RPH3A: variants seen among roughly 807,000 people sequenced by gnomAD.
The protein encoded by RPH3A is rabphilin-3A.
In RPH3A, 48 loss-of-function variants were observed where a neutral mutation model predicts 102.2. The observed-to-expected ratio is 0.47, with a 90% CI of 0.37 to 0.60. The LOEUF (loss-of-function observed/expected upper bound fraction) is 0.60. Ranked by LOEUF, RPH3A falls within the 20% of genes least tolerant of loss-of-function variation. The pLI is 0.00. For synonymous variants in RPH3A, 310 were observed against 324.3 expected, an observed-to-expected ratio of 0.96 and a Z score of 0.47; for missense variants, 781 against 910.1, an observed-to-expected ratio of 0.86 and a Z score of 1.83.
At chr12:112,816,595 C>A (rs2041675339) in intron 2 of RPH3A, among the ~76,000 whole-genome samples, 1 of 152,156 alleles carries the variant, frequency 6.6e-6, no homozygotes, top group African/African-American at 2.4e-5. Context: ...GTGGCCACTC[C>A]CAGCTTCCCC....
intron 1 of RPH3A, among the ~76,000 whole-genome samples, chr12:112,616,250 G>A (rs1362691932): frequency 6.6e-6 from 1 of 152,134 alleles, no homozygotes; most frequent in Non-Finnish European, 1.5e-5. Flanking sequence ...GGGTTCAAGC[G>A]ATTCTCCTGC....
At chr12:112,745,641 A>G (rs1456660003) in intron 1 of RPH3A, among the ~76,000 whole-genome samples, 5 of 152,202 alleles carry the variant, frequency 3.3e-5, no homozygotes, top group Admixed American at 6.5e-5. Flanking sequence ...GTGTGAATTC[A>G]GCTCATCTTA....
chr12:112,661,724 T>C (rs986465582), intron 1 of RPH3A, among the ~76,000 whole-genome samples: 1 of 151,674 alleles, frequency 6.6e-6, no homozygotes, highest in African/African-American at 2.4e-5. Context: ...TCCTGTTCAG[T>C]CTTCAGAATA....
intron 2 of RPH3A, among the ~76,000 whole-genome samples, chr12:112,797,438 G>T (rs1273072003): frequency 6.6e-6 from 1 of 152,108 alleles, no homozygotes; most frequent in African/African-American, 2.4e-5. Flanking sequence ...CTGTTGGGGG[G>T]TAAAAAGCTC....
intron 1 of RPH3A, among the ~76,000 whole-genome samples, chr12:112,743,688 T>TC (rs1013089627): frequency 6.6e-6 from 1 of 151,788 alleles, no homozygotes; most frequent in Admixed American, 6.6e-5. Context: ...GGTTTTTTTT[T>TC]CCCCCCAAGG....
chr12:112,694,634 G>GCA (rs1479590724), intron 1 of RPH3A, among the ~76,000 whole-genome samples: 1 of 108,794 alleles, frequency 9.2e-6, no homozygotes, highest in African/African-American at 4.3e-5. Flanking sequence ...ACACACGCAC[G>GCA]CGCGCGCGCG....
intron 1 of RPH3A, among the ~76,000 whole-genome samples, chr12:112,641,188 G>A (rs1050032866): frequency 6.6e-6 from 1 of 152,184 alleles, no homozygotes; most frequent in African/African-American, 2.4e-5. Flanking sequence ...TTTAACTTCT[G>A]CTGCTTGCAG....
chr12:112,766,704 A>G lies in RPH3A; in HGVS notation c.-139-25439A>G, dbSNP rs371756785. Among the ~76,000 whole-genome samples the G allele has an allele frequency of 7.9e-5, 12 of 152,292 alleles. No individual in the cohort carries two copies. The South Asian group carries it at 1.9e-3, about 24-fold the overall frequency. On this transcript the variant is annotated intron_variant, in intron 1 of 21. Coordinates refer to the RPH3A transcript ENST00000543106. Reference sequence around the variant, plus strand: ...TCAGTCATGGTTTAAGGGAACTCCCAGACATGTTAGGCTCTCTGTGTCATC... The same window carrying G: ...TCAGTCATGGTTTAAGGGAACTCCCGGACATGTTAGGCTCTCTGTGTCATC...
At chr12:112,848,361 C>T (rs1037337376) in intron 5 of RPH3A, among the ~76,000 whole-genome samples, 13 of 152,086 alleles carry the variant, frequency 8.5e-5, no homozygotes, top group Middle Eastern at 3.2e-3. Context: ...TTAAGACAAT[C>T]GGAGAAACCA....
At chr12:112,876,991 A>C in intron 13 of RPH3A, 125 bp downstream of exon 13, 1 of 559,870 alleles carries the variant, frequency 1.8e-6, no homozygotes, top group Non-Finnish European at 3.0e-6. Context: ...GACCTAATAA[A>C]CATATTAACC....
At chr12:112,610,979 T>C (rs1315578864) in intron 1 of RPH3A, among the ~76,000 whole-genome samples, 1 of 152,318 alleles carries the variant, frequency 6.6e-6, no homozygotes, top group East Asian at 1.9e-4. Flanking sequence ...TTACAGTTAT[T>C]TCTCCCCATT....
rs542578721 is a variant in RPH3A at position 112,664,159 on chromosome 12, AG to A, written c.-140+88844del. 5.1e-3 allele frequency among the ~76,000 whole-genome samples: 774 copies of A among 152,230 alleles called. 6 individuals are homozygous for A. The highest frequency in any genetic ancestry group is 0.017 in the African/African-American group (721 of 41,552). ...GAAGAACGTGTGCAAAACCTTAGAG[AG>A]GGGTACAAGCGAAATGCTGGGAGTT... On this transcript the variant is annotated intron_variant, in intron 1 of 21. Coordinates refer to the RPH3A transcript ENST00000543106.
intron 3 of RPH3A, among the ~76,000 whole-genome samples, chr12:112,834,182 T>C (rs554551317): frequency 1.3e-5 from 2 of 152,362 alleles, no homozygotes; most frequent in South Asian, 4.1e-4. Flanking sequence ...GCAATAAATT[T>C]GTTTGCATTT....
At chr12:112,830,269 T>C (rs1359742566) in intron 3 of RPH3A, among the ~76,000 whole-genome samples, 3 of 152,210 alleles carry the variant, frequency 2.0e-5, no homozygotes, top group Admixed American at 1.3e-4. Context: ...ATTTCTCTTA[T>C]GATTTCTACT....
At chr12:112,823,000 T>C (rs1242931775) in intron 2 of RPH3A, among the ~76,000 whole-genome samples, 2 of 152,216 alleles carry the variant, frequency 1.3e-5, no homozygotes, top group African/African-American at 4.8e-5. Context: ...GGAGAAGAAG[T>C]CATTTTATGC....
chr12:112,776,898 A>C (rs1186412827), intron 1 of RPH3A, among the ~76,000 whole-genome samples: 3 of 149,582 alleles, frequency 2.0e-5, no homozygotes, highest in East Asian at 1.9e-4. Context: ...AAAAAAAAAA[A>C]AAAAAAAAAA....
chr12:112,664,058 G>C (rs1393495035), intron 1 of RPH3A, among the ~76,000 whole-genome samples: 1 of 152,186 alleles, frequency 6.6e-6, no homozygotes, highest in Non-Finnish European at 1.5e-5. Context: ...CAAGCCAGCA[G>C]TTGCCAAGGG....
chr12:112,636,245 C>T (rs2039847894), intron 1 of RPH3A, among the ~76,000 whole-genome samples: 1 of 152,090 alleles, frequency 6.6e-6, no homozygotes, highest in Non-Finnish European at 1.5e-5. Flanking sequence ...AAATGGAGAC[C>T]ACCCACTTTC....
At chr12:112,848,732 T>G (rs2042273292) in intron 5 of RPH3A, among the ~76,000 whole-genome samples, 2 of 150,740 alleles carry the variant, frequency 1.3e-5, no homozygotes. Context: ...GTGTGAAGAG[T>G]GGAAGAGAGT....
Sources: gnomAD v4.1 joint callset for allele counts (sites outside exome capture counted in the v4.1 genomes callset) on GRCh38, gnomAD v4.1.1 for gene constraint, MANE v1.5 for transcripts, NCBI Gene and HGNC (gene_info 2026-07-23, HGNC 2026-07-21) for gene names.